Variants in FGD6 observed in about 807,000 individuals in gnomAD.
FGD6 encodes FYVE, RhoGEF and PH domain-containing protein 6.
A neutral mutation model predicts 149.4 loss-of-function variants in FGD6; 90 were observed. The ratio of observed to expected loss-of-function variants is 0.60; its 90% CI spans 0.51 to 0.72. The LOEUF is 0.72. Ranked by LOEUF, FGD6 falls within the 30% of genes least tolerant of loss-of-function variation. The probability of loss-of-function intolerance (pLI) is 0.00; values close to 1 mark genes in which losing one functional copy is unlikely to be tolerated. For synonymous variants in FGD6, 527 were observed against 584.0 expected, an observed-to-expected ratio of 0.90 and a Z score of 1.41; for missense variants, 1,437 against 1,684.8, an observed-to-expected ratio of 0.85 and a Z score of 2.57.
intron 3 of FGD6, among the ~76,000 whole-genome samples, chr12:95,171,513 C>T (rs1215327014): frequency 6.6e-6 from 1 of 152,056 alleles, no homozygotes; most frequent in Non-Finnish European, 1.5e-5. Context: ...ATAATGAACC[C>T]CTGCATCATG....
chr12:95,128,738 G>A (rs1391728366), intron 8 of FGD6, among the ~76,000 whole-genome samples: 1 of 152,210 alleles, frequency 6.6e-6, no homozygotes, highest in South Asian at 2.1e-4. Flanking sequence ...CAGGGCAGGG[G>A]CCACCACTGG....
chr12:95,102,417 C>A (rs1164598437), intron 14 of FGD6, among the ~76,000 whole-genome samples: 1 of 139,080 alleles, frequency 7.2e-6, no homozygotes, highest in African/African-American at 2.7e-5. Context: ...GCACTCCAGC[C>A]TGGGTGACAG....
At chr12:95,115,039 C>G (rs1041006385) in intron 8 of FGD6, among the ~76,000 whole-genome samples, 4 of 152,192 alleles carry the variant, frequency 2.6e-5, no homozygotes, top group African/African-American at 9.7e-5. Flanking sequence ...CCTTCTCTTA[C>G]AAAATTTCCA....
At chr12:95,168,067 AT>A (rs11418830) in intron 3 of FGD6, among the ~76,000 whole-genome samples, 1 of 151,716 alleles carries the variant, frequency 6.6e-6, no homozygotes, top group Non-Finnish European at 1.5e-5. Flanking sequence ...TATTACACAC[AT>A]TTTTTTTAAG....
Position 95,080,335 on chromosome 12 carries a change from AT to A in FGD6, c.*1184del, listed in dbSNP as rs1194990032. The A allele has an allele frequency of 6.6e-6, 1 of 152,084 alleles. No homozygotes were observed. The highest frequency in any genetic ancestry group is 1.5e-5 in the Non-Finnish European group (1 of 68,002). The allele number at this position is 152,084 out of a possible 1,614,324, so 9.4% of individuals were successfully genotyped here. A position where few individuals can be genotyped will look rare whatever the true frequency, so the allele number is the denominator to read the frequency against. On this transcript the variant is annotated 3_prime_UTR_variant, in exon 21 of 21. Coordinates refer to ENST00000343958, the MANE Select transcript of FGD6 (RefSeq NM_018351.4). ...ATGGCTTTTATCACAGTGTTATTTC[AT>A]TTTCTTCTGCTAATCAACAATTGTA...
chr12:95,190,321 C>G (rs1341912570), intron 2 of FGD6, among the ~76,000 whole-genome samples: 1 of 152,120 alleles, frequency 6.6e-6, no homozygotes. Context: ...AGGCGGCCAC[C>G]ACTGCGCCCG....
chr12:95,109,874 C>T (rs61938201), intron 9 of FGD6, among the ~76,000 whole-genome samples: 10 of 152,082 alleles, frequency 6.6e-5, no homozygotes, highest in East Asian at 1.9e-4. Context: ...CAAAACAAAA[C>T]GAAACAAAAA....
intron 5 of FGD6, among the ~76,000 whole-genome samples, chr12:95,142,533 C>T (rs1192390588): frequency 2.0e-5 from 3 of 152,170 alleles, no homozygotes; most frequent in South Asian, 2.1e-4. Context: ...CCACTAGGGC[C>T]TCCCAAAGTG....
Position 95,137,605 on chromosome 12 carries a change from T to G in FGD6, c.2911A>C (p.Lys971Gln), listed in dbSNP as rs372390824. The change falls in exon 7 of 21, where the codon AAA becomes CAA. Residue 971 changes from lysine (K) to glutamine (Q), a missense_variant. Physicochemically the swap from Lys to Gln is moderately conservative, Grantham distance 53. Transcript: ENST00000343958. ...AAGGCTATATTCTTATCAAATTCTT[T>G]GATGTATGTGGAATACATTTTTAGA... ...PYLKMYSTYI[K>Q]EFDKNIALLD... The G allele has an allele frequency of 1.2e-6, 2 of 1,612,002 alleles. No homozygotes were observed. The highest frequency in any genetic ancestry group is 2.7e-5 in the African/African-American group (2 of 74,894).
intron 18 of FGD6, among the ~76,000 whole-genome samples, chr12:95,086,544 T>G (rs1030817522): frequency 7.4e-6 from 1 of 135,936 alleles, no homozygotes; most frequent in African/African-American, 2.9e-5. Flanking sequence ...TTCTTTTTTT[T>G]TTTTTTTTTT....
chr12:95,169,150 T>C (rs186673814), intron 3 of FGD6, among the ~76,000 whole-genome samples: 12 of 152,210 alleles, frequency 7.9e-5, no homozygotes, highest in African/African-American at 2.9e-4. Flanking sequence ...GTGGAGGGTA[T>C]TGGGAATATT....
chr12:95,183,000 T>C (rs1436829037), intron 2 of FGD6, among the ~76,000 whole-genome samples: 2 of 152,226 alleles, frequency 1.3e-5, no homozygotes, highest in African/African-American at 4.8e-5. Flanking sequence ...GGCGAGCCTT[T>C]TGGAAAATAT....
intron 3 of FGD6, among the ~76,000 whole-genome samples, chr12:95,168,949 C>A (rs1267502879): frequency 6.6e-6 from 1 of 152,210 alleles, no homozygotes; most frequent in Non-Finnish European, 1.5e-5. Context: ...AAGAGAAGGG[C>A]ATTCACCAGG....
At chr12:95,119,709 T>C (rs1417229638) in intron 8 of FGD6, among the ~76,000 whole-genome samples, 4 of 152,214 alleles carry the variant, frequency 2.6e-5, no homozygotes, top group Admixed American at 2.6e-4. Flanking sequence ...AGTGGGCAGA[T>C]CACCGGAGGT....
chr12:95,093,916 T>C (rs565916907), intron 15 of FGD6, among the ~76,000 whole-genome samples: 2 of 151,726 alleles, frequency 1.3e-5, no homozygotes, highest in East Asian at 3.9e-4. Context: ...TCTCAGCACT[T>C]TGGAAGGCCG....
intron 2 of FGD6, among the ~76,000 whole-genome samples, chr12:95,192,358 G>T (rs888077567): frequency 2.0e-5 from 3 of 152,196 alleles, no homozygotes; most frequent in South Asian, 2.1e-4. Flanking sequence ...GGGGTCCATT[G>T]TACTGTTTGA....
rs757955014 is a variant in FGD6 at position 95,101,681 on chromosome 12, CT to C, written c.3497+3325del. ...ATGGTCTTAATGTTCTTTGAACTTT[CT>C]TTTTTTTTTTTTTTTTTTTGAGATG... On this transcript the variant is annotated intron_variant, in intron 14 of 20. Transcript: ENST00000343958. Among the ~76,000 whole-genome samples the C allele has an allele frequency of 6.7e-3, 724 of 107,786 alleles. 6 individuals are homozygous for C. The highest frequency in any genetic ancestry group is 0.021 in the African/African-American group (597 of 28,110). The allele number at this position is 107,786 out of a possible 152,430, so 70.7% of individuals were successfully genotyped here.
In FGD6 at chr12:95,134,951, C is replaced by T. The variant is rs555954230; in HGVS notation, c.2995-125G>A. 16 of 692,586 alleles carry T rather than the reference C, an allele frequency of 2.3e-5. No individual in the cohort carries two copies. In the Admixed American group the frequency reaches 4.8e-4, roughly 21 times the overall value. 42.9% of individuals were successfully genotyped at this position (692,586 alleles called of 1,614,324 possible). On this transcript the variant is annotated intron_variant, in intron 7 of 20. Transcript: ENST00000343958. ...CTGGAAGGAGATTCGTAGAGAGGCT[C>T]CCTTTTATTTTAAGGTACAGCTGTT...
chr12:95,147,318 T>C (rs1428262185), intron 5 of FGD6, among the ~76,000 whole-genome samples: 1 of 152,162 alleles, frequency 6.6e-6, no homozygotes, highest in African/African-American at 2.4e-5. Context: ...TCCCTCTCTA[T>C]ATGTAGACCC....
Sources: gnomAD v4.1 joint callset for allele counts (sites outside exome capture counted in the v4.1 genomes callset) on GRCh38, gnomAD v4.1.1 for gene constraint, MANE v1.5 for transcripts, NCBI Gene and HGNC (gene_info 2026-07-23, HGNC 2026-07-21) for gene names.